Variants in PGBD2 observed in about 807,000 individuals in gnomAD.
The protein encoded by PGBD2 is piggyBac transposable element-derived protein 2.
In PGBD2, 6 loss-of-function variants were observed where a neutral mutation model predicts 8.1. The ratio of observed to expected loss-of-function variants is 0.74; its 90% CI spans 0.40 to 1.46. The LOEUF is 1.46. Among genes scored for constraint, PGBD2 ranks in the 40% most tolerant of loss-of-function variants. PGBD2 has a pLI of 0.02. For missense variants in PGBD2, 802 were observed against 739.0 expected, an observed-to-expected ratio of 1.09 and a Z score of -0.99; for synonymous variants, 318 against 272.2, an observed-to-expected ratio of 1.17 and a Z score of -1.66.
the PGBD2 span, among the ~76,000 whole-genome samples, chr1:248,877,745 A>G: frequency 2.0e-5 from 3 of 152,188 alleles, no homozygotes; most frequent in Non-Finnish European, 4.4e-5. Flanking sequence ...TATGATGGCT[A>G]ATAGAAGGTG....
At chr1:248,892,669 T>C in the PGBD2 span, among the ~76,000 whole-genome samples, 3 of 152,210 alleles carry the variant, frequency 2.0e-5, no homozygotes, top group African/African-American at 7.2e-5. Context: ...CACCTGGCTA[T>C]TAAGAAGCTA....
Position 248,918,685 on chromosome 1 carries a change from C to G in PGBD2, c.*322C>G, listed in dbSNP as rs1252953132. On this transcript the variant is annotated 3_prime_UTR_variant, in exon 3 of 3. Coordinates refer to ENST00000329291, the MANE Select transcript of PGBD2 (RefSeq NM_170725.3). The stretch of plus-strand genomic sequence containing the variant: ...GCAAGAATAATCAAAGGAAAACTTG[C>G]AAGAACAGTAAGAAGACTTTACCAT... 1 of 169,630 alleles carries G rather than the reference C, an allele frequency of 5.9e-6. No homozygotes were observed. Among genetic ancestry groups the G allele is most frequent in the East Asian group, 1.8e-4 (1 of 5,410 alleles). The allele number at this position is 169,630 out of a possible 1,614,324, so 10.5% of individuals were successfully genotyped here. A position where few individuals can be genotyped will look rare whatever the true frequency, so the allele number is the denominator to read the frequency against.
the PGBD2 span, among the ~76,000 whole-genome samples, chr1:248,895,018 TG>T: frequency 1.5e-4 from 23 of 152,128 alleles, no homozygotes; most frequent in Non-Finnish European, 4.4e-5. Flanking sequence ...TTGTCCAGGC[TG>T]GTCTCTAACT....
chr1:248,902,579 A>C (rs1661553087), upstream of PGBD2, among the ~76,000 whole-genome samples: 1 of 152,218 alleles, frequency 6.6e-6, no homozygotes, highest in Non-Finnish European at 1.5e-5. Flanking sequence ...CACAACAGCT[A>C]AGACATGTAA....
chr1:248,886,679 C>T, the PGBD2 span, among the ~76,000 whole-genome samples: 5 of 152,198 alleles, frequency 3.3e-5, no homozygotes, highest in African/African-American at 4.8e-5. Flanking sequence ...CCTGGGGAGA[C>T]AGCACTTTGT....
At chr1:248,929,096 CTTAGTA>C in the PGBD2 span, among the ~76,000 whole-genome samples, 2 of 152,098 alleles carry the variant, frequency 1.3e-5, no homozygotes, top group Non-Finnish European at 2.9e-5. Context: ...TATTTGTAAT[CTTAGTA>C]TTTGTATTAA....
At chr1:248,874,615 G>A in the PGBD2 span, among the ~76,000 whole-genome samples, 8 of 152,120 alleles carry the variant, frequency 5.3e-5, no homozygotes, top group African/African-American at 1.7e-4. Context: ...ATTTCAAAAA[G>A]TCTCCCTAGG....
At chr1:248,908,332 C>CTG (rs1661732716) in intron 1 of PGBD2, among the ~76,000 whole-genome samples, 1 of 152,120 alleles carries the variant, frequency 6.6e-6, no homozygotes. Context: ...TGAGAATGCC[C>CTG]AGTTGGACCT....
intron 2 of PGBD2, among the ~76,000 whole-genome samples, chr1:248,914,778 G>C (rs1485731701): frequency 6.6e-6 from 1 of 152,162 alleles, no homozygotes; most frequent in East Asian, 1.9e-4. Flanking sequence ...CCACCCCTGG[G>C]GCTACGTATG....
At chr1:248,922,106 C>A (rs1361825562), downstream of PGBD2, among the ~76,000 whole-genome samples, 1 of 149,214 alleles carries the variant, frequency 6.7e-6, no homozygotes, top group Non-Finnish European at 1.5e-5. Context: ...GTTGCCCAGG[C>A]TGGAGTGCAG....
chr1:248,922,800 A>T (rs867073154), downstream of PGBD2, among the ~76,000 whole-genome samples: 4 of 152,166 alleles, frequency 2.6e-5, no homozygotes, highest in African/African-American at 4.8e-5. Flanking sequence ...CATCCCAGGG[A>T]TGAAGCTGAC....
chr1:248,929,906 GA>G, the PGBD2 span, among the ~76,000 whole-genome samples: 3 of 152,174 alleles, frequency 2.0e-5, no homozygotes, highest in Non-Finnish European at 2.9e-5. Flanking sequence ...ATTCTAGGAT[GA>G]AAAATTGGGA....
chr1:248,874,276 G>A, the PGBD2 span, among the ~76,000 whole-genome samples: 2 of 152,184 alleles, frequency 1.3e-5, no homozygotes, highest in East Asian at 1.9e-4. Flanking sequence ...TTAGGATTCG[G>A]CGCTCTCACC....
At position 248,916,590 on chromosome 1, in the gene PGBD2, CTGTCATAACAGAGA is replaced by C; in HGVS notation, c.18-5_26del. 6.2e-7 allele frequency: 1 copy of C among 1,611,238 alleles called. No individual in the cohort carries two copies. ...CATGGCCTCTTCCTGATTCTGTTTC[CTGTCATAACAGAGA>C]TGTCATTGCTGGGAGAGGTATCCAC... On this transcript the variant is annotated splice_acceptor_variant and splice_polypyrimidine_tract_variant and coding_sequence_variant and intron_variant, in exon 3 of 3. Transcript: ENST00000329291. LOFTEE classifies it high-confidence loss of function.
the PGBD2 span, among the ~76,000 whole-genome samples, chr1:248,888,549 AT>A: frequency 6.6e-6 from 1 of 152,078 alleles, no homozygotes; most frequent in Non-Finnish European, 1.5e-5. Flanking sequence ...TCTTTTGAAA[AT>A]TGTCTATTCA....
chr1:248,883,130 G>T, the PGBD2 span, among the ~76,000 whole-genome samples: 4 of 152,072 alleles, frequency 2.6e-5, no homozygotes, highest in Admixed American at 2.0e-4. Context: ...TTTGTTTTTT[G>T]TTTGTTTTTT....
At chr1:248,874,903 GAGATAGATAGATAGATAGATAGATAGAT>G in the PGBD2 span, among the ~76,000 whole-genome samples, 2 of 145,310 alleles carry the variant, frequency 1.4e-5, no homozygotes, top group Non-Finnish European at 3.0e-5. Flanking sequence ...TAGGTAGATA[GAGATAGATAGATAGATAGATAGATAGAT>G]AGATAGATAG....
chr1:248,924,889 A>G (rs1662352821), downstream of PGBD2, among the ~76,000 whole-genome samples: 1 of 152,094 alleles, frequency 6.6e-6, no homozygotes, highest in Non-Finnish European at 1.5e-5. Flanking sequence ...CACAAATATA[A>G]ATGGGTGTCT....
chr1:248,881,654 T>G, the PGBD2 span, among the ~76,000 whole-genome samples: 5 of 152,262 alleles, frequency 3.3e-5, no homozygotes, highest in African/African-American at 1.2e-4. Flanking sequence ...TAAATTTCTA[T>G]AGTCAATAGT....
Sources: allele counts gnomAD v4.1 joint callset (sites outside exome capture counted in the v4.1 genomes callset), GRCh38; gene constraint gnomAD v4.1.1; transcripts MANE v1.5; gene names NCBI Gene and HGNC (gene_info 2026-07-23, HGNC 2026-07-21).